The following NLGN1 variants were observed in gnomAD, a reference collection of about 807,000 sequenced individuals.
The protein encoded by NLGN1 is neuroligin-1.
Under a neutral mutation model 65.5 loss-of-function variants are expected in NLGN1, and 12 were observed. That is an observed-to-expected ratio of 0.18 (90% CI 0.12 to 0.30). NLGN1 has a LOEUF of 0.30. NLGN1 is among the 10% of genes least tolerant of loss of function. NLGN1 has a pLI of 1.00. For synonymous variants in NLGN1, 350 were observed against 359.5 expected, an observed-to-expected ratio of 0.97 and a Z score of 0.30; for missense variants, 750 against 1,007.1, an observed-to-expected ratio of 0.74 and a Z score of 3.46.
At chr3:174,182,273 A>G (rs1353897674) in intron 4 of NLGN1, among the ~76,000 whole-genome samples, 2 of 152,166 alleles carry the variant, frequency 1.3e-5, no homozygotes, top group Admixed American at 6.5e-5. Flanking sequence ...AGTTGCAATA[A>G]ATGTCTATTA....
chr3:173,896,978 A>G (rs1736454888), intron 4 of NLGN1, among the ~76,000 whole-genome samples: 1 of 152,176 alleles, frequency 6.6e-6, no homozygotes, highest in Admixed American at 6.5e-5. Context: ...CACATCCCTC[A>G]ACACCTCACT....
intron 3 of NLGN1, among the ~76,000 whole-genome samples, chr3:173,694,166 ACT>A (rs1382514700): frequency 1.3e-5 from 2 of 151,766 alleles, no homozygotes; most frequent in East Asian, 1.9e-4. Context: ...AAGTTGTGAA[ACT>A]CTGTTTTTTT....
chr3:174,067,699 T>C (rs1296324864), intron 4 of NLGN1, among the ~76,000 whole-genome samples: 6 of 152,154 alleles, frequency 3.9e-5, no homozygotes, highest in African/African-American at 1.4e-4. Flanking sequence ...TTTAGTACTT[T>C]AAGTCCCCTG....
At chr3:174,291,869 G>T in the NLGN1 span, among the ~76,000 whole-genome samples, 1 of 151,080 alleles carries the variant, frequency 6.6e-6, no homozygotes, top group Non-Finnish European at 1.5e-5. Context: ...GTATAAACTT[G>T]TTACATGTTC....
intron 4 of NLGN1, among the ~76,000 whole-genome samples, chr3:174,265,342 C>T (rs190636328): frequency 0.025 from 3,760 of 152,088 alleles, 156 homozygotes; most frequent in African/African-American, 0.086. Context: ...ACTCCGTGGG[C>T]GTAGGACCCT....
chr3:173,685,927 A>G, intron 3 of NLGN1: 2 of 502,040 alleles, frequency 4.0e-6, no homozygotes. Flanking sequence ...TGAATTTATG[A>G]TGTGGGAGTA....
chr3:174,272,669 A>G (rs767527229), intron 4 of NLGN1, among the ~76,000 whole-genome samples: 32 of 103,792 alleles, frequency 3.1e-4, no homozygotes, highest in East Asian at 7.1e-4. Flanking sequence ...ATGGATGGAT[A>G]GATAGATAGA....
chr3:174,070,787 GC>G (rs1286050286), intron 4 of NLGN1, among the ~76,000 whole-genome samples: 1 of 152,164 alleles, frequency 6.6e-6, no homozygotes, highest in Non-Finnish European at 1.5e-5. Context: ...GGGTGCAGTG[GC>G]TCACGCCTAT....
At chr3:173,747,365 GAT>G (rs1281382083) in intron 3 of NLGN1, among the ~76,000 whole-genome samples, 19 of 22,156 alleles carry the variant, frequency 8.6e-4, no homozygotes, top group Admixed American at 4.6e-3. Flanking sequence ...TATACTTAAA[GAT>G]ATATATATAC....
chr3:174,088,714 C>G (rs1443299410), intron 4 of NLGN1, among the ~76,000 whole-genome samples: 2 of 151,242 alleles, frequency 1.3e-5, no homozygotes, highest in Non-Finnish European at 2.9e-5. Context: ...GATCGCGCCA[C>G]TGCACTCCAG....
chr3:173,719,187 CAGTT>C (rs1388148343), intron 3 of NLGN1, among the ~76,000 whole-genome samples: 1 of 152,174 alleles, frequency 6.6e-6, no homozygotes, highest in Non-Finnish European at 1.5e-5. Context: ...ATGGATCAAT[CAGTT>C]AGTGTTAGTA....
intron 2 of NLGN1, among the ~76,000 whole-genome samples, chr3:173,513,123 T>C (rs1733253421): frequency 6.6e-6 from 1 of 152,130 alleles, no homozygotes. Flanking sequence ...ATTGGCACAT[T>C]AGGTTCTGGT....
At chr3:173,510,469 A>G (rs989964580) in intron 2 of NLGN1, among the ~76,000 whole-genome samples, 1 of 152,170 alleles carries the variant, frequency 6.6e-6, no homozygotes, top group African/African-American at 2.4e-5. Flanking sequence ...CTCTGCAGTG[A>G]AAGGTTCAGG....
chr3:173,664,274 CT>C (rs1395278742), intron 3 of NLGN1, among the ~76,000 whole-genome samples: 1 of 151,902 alleles, frequency 6.6e-6, no homozygotes, highest in African/African-American at 2.4e-5. Flanking sequence ...CTAAAATGAA[CT>C]TTAAAAAAAT....
chr3:174,132,555 G>A (rs1033334981), intron 4 of NLGN1, among the ~76,000 whole-genome samples: 2 of 152,046 alleles, frequency 1.3e-5, no homozygotes, highest in Admixed American at 1.3e-4. Flanking sequence ...CTCCTGTAAA[G>A]CTTCTGAAAC....
intron 4 of NLGN1, among the ~76,000 whole-genome samples, chr3:174,258,786 A>C (rs2152854770): frequency 6.6e-6 from 1 of 152,326 alleles, no homozygotes; most frequent in South Asian, 2.1e-4. Context: ...CAAAGTTAAA[A>C]GGACTAAATA....
intron 4 of NLGN1, among the ~76,000 whole-genome samples, chr3:174,034,695 T>TA (rs1227796115): frequency 6.6e-6 from 1 of 151,860 alleles, no homozygotes; most frequent in African/African-American, 2.4e-5. Context: ...GTTGATAAAC[T>TA]AAAAGAGGAG....
chr3:173,667,933 A>AT (rs1009064128), intron 3 of NLGN1, among the ~76,000 whole-genome samples: 6 of 152,112 alleles, frequency 3.9e-5, no homozygotes, highest in Non-Finnish European at 8.8e-5. Context: ...GCCAGACCCC[A>AT]TTTTTTTATA....
At chr3:173,956,842 A>G (rs977403763) in intron 4 of NLGN1, among the ~76,000 whole-genome samples, 3 of 152,202 alleles carry the variant, frequency 2.0e-5, no homozygotes, top group Non-Finnish European at 1.5e-5. Flanking sequence ...GTAAAATCCT[A>G]CATAGTAAAC....
Sources: allele counts gnomAD v4.1 joint callset (sites outside exome capture counted in the v4.1 genomes callset), GRCh38; gene constraint gnomAD v4.1.1; transcripts MANE v1.5; gene names NCBI Gene and HGNC (gene_info 2026-07-23, HGNC 2026-07-21).